Variants in CDKAL1 observed in about 807,000 individuals in gnomAD.
CDKAL1 encodes the protein threonylcarbamoyladenosine tRNA methylthiotransferase.
Under a neutral mutation model 68.2 loss-of-function variants are expected in CDKAL1, and 32 were observed. That is an observed-to-expected ratio of 0.47 (90% CI 0.35 to 0.63). The LOEUF (loss-of-function observed/expected upper bound fraction) is 0.63. Among genes scored for constraint, CDKAL1 ranks in the 30% least tolerant of loss-of-function variants. The pLI is 0.00. For synonymous variants in CDKAL1, 234 were observed against 244.3 expected, an observed-to-expected ratio of 0.96 and a Z score of 0.39; for missense variants, 606 against 696.7, an observed-to-expected ratio of 0.87 and a Z score of 1.47.
chr6:20,800,896 G>A (rs753638558), intron 8 of CDKAL1, among the ~76,000 whole-genome samples: 6 of 152,050 alleles, frequency 3.9e-5, no homozygotes, highest in Non-Finnish European at 7.4e-5. Context: ...TTATAGGCAT[G>A]AGCCACCACA....
intron 5 of CDKAL1, among the ~76,000 whole-genome samples, chr6:20,666,498 A>G (rs1769549745): frequency 6.6e-6 from 1 of 152,140 alleles, no homozygotes. Flanking sequence ...ATAGGAACAT[A>G]AAGTTATTTA....
chr6:21,037,664 T>A (rs2150889172), intron 11 of CDKAL1, among the ~76,000 whole-genome samples: 1 of 152,292 alleles, frequency 6.6e-6, no homozygotes, highest in African/African-American at 2.4e-5. Context: ...TTAATTTTAT[T>A]TGCTTTCAGT....
intron 4 of CDKAL1, among the ~76,000 whole-genome samples, chr6:20,582,570 T>A (rs1312753663): frequency 2.6e-4 from 39 of 152,152 alleles, no homozygotes; most frequent in Admixed American, 2.6e-3. Context: ...TTTTCTACGG[T>A]TCCATTTGAA....
chr6:21,098,604 G>A (rs937224461), intron 12 of CDKAL1, among the ~76,000 whole-genome samples: 1 of 146,670 alleles, frequency 6.8e-6, no homozygotes, highest in Admixed American at 7.1e-5. Context: ...GTTACTGAAG[G>A]AAGGGATGCT....
At chr6:21,039,065 C>T (rs561586049) in intron 11 of CDKAL1, among the ~76,000 whole-genome samples, 3 of 152,262 alleles carry the variant, frequency 2.0e-5, no homozygotes, top group East Asian at 1.9e-4. Flanking sequence ...CCCCAGGACA[C>T]GGACTGATAC....
At chr6:20,752,127 CT>C (rs1447973743) in intron 6 of CDKAL1, among the ~76,000 whole-genome samples, 1 of 151,684 alleles carries the variant, frequency 6.6e-6, no homozygotes, top group Non-Finnish European at 1.5e-5. Context: ...CCTTTTTTCC[CT>C]TTTCCCCATT....
intron 10 of CDKAL1, among the ~76,000 whole-genome samples, chr6:20,976,159 T>C (rs549078265): frequency 2.9e-4 from 44 of 152,196 alleles, no homozygotes; most frequent in Non-Finnish European, 5.6e-4. Flanking sequence ...CTTAGTAATA[T>C]CATTTAAGGC....
chr6:20,676,738 A>AT (rs1562018340), intron 5 of CDKAL1, among the ~76,000 whole-genome samples: 1 of 151,974 alleles, frequency 6.6e-6, no homozygotes, highest in African/African-American at 2.4e-5. Context: ...TTTATGCTGT[A>AT]TTTTTGTATG....
chr6:21,010,078 A>C (rs993410528), intron 11 of CDKAL1, among the ~76,000 whole-genome samples: 2 of 152,144 alleles, frequency 1.3e-5, no homozygotes, highest in African/African-American at 4.8e-5. Context: ...CATTGTGTGC[A>C]TATATCAAAA....
At chr6:21,194,624 TC>T (rs1778394278) in intron 13 of CDKAL1, among the ~76,000 whole-genome samples, 1 of 152,212 alleles carries the variant, frequency 6.6e-6, no homozygotes, top group Non-Finnish European at 1.5e-5. Flanking sequence ...ATGATTACTC[TC>T]AATTTTGTTA....
chr6:20,647,032 C>G (rs890596270), intron 4 of CDKAL1, among the ~76,000 whole-genome samples: 1 of 152,176 alleles, frequency 6.6e-6, no homozygotes, highest in Non-Finnish European at 1.5e-5. Flanking sequence ...GGCGTGAGCA[C>G]CTGCACCCGG....
At chr6:21,002,787 A>T (rs181860282) in intron 11 of CDKAL1, among the ~76,000 whole-genome samples, 34 of 152,162 alleles carry the variant, frequency 2.2e-4, no homozygotes, top group African/African-American at 7.5e-4. Context: ...CAGGAGTTCA[A>T]GATCAGTTTG....
At chr6:20,753,019 A>G (rs898563839) in intron 6 of CDKAL1, among the ~76,000 whole-genome samples, 1 of 152,206 alleles carries the variant, frequency 6.6e-6, no homozygotes, top group South Asian at 2.1e-4. Flanking sequence ...TTACTGAGAT[A>G]TAATTCACAC....
rs1006132107 is a variant in CDKAL1 at position 20,858,944 on chromosome 6, A to G, written c.742+12766A>G. 3.3e-5 allele frequency among the ~76,000 whole-genome samples: 5 copies of G among 152,270 alleles called. No individual in the cohort carries two copies. The South Asian group carries it at 1.0e-3, about 32-fold the overall frequency. On this transcript the variant is annotated intron_variant, in intron 9 of 15. Coordinates refer to ENST00000274695, the MANE Select transcript of CDKAL1 (RefSeq NM_017774.3). ...CATTTTTGCTAGTTTAATATTTTCTATATTTTTCATAAGTACATATATCAC... is the reference window on the plus strand; with the variant it reads ...CATTTTTGCTAGTTTAATATTTTCTGTATTTTTCATAAGTACATATATCAC...
intron 10 of CDKAL1, among the ~76,000 whole-genome samples, chr6:20,989,870 A>G (rs2150793768): frequency 6.6e-6 from 1 of 152,288 alleles, no homozygotes; most frequent in Non-Finnish European, 1.5e-5. Flanking sequence ...ATATAGATAC[A>G]TGTAACCACC....
intron 13 of CDKAL1, chr6:21,135,634 T>G (rs980758616): frequency 3.2e-6 from 3 of 937,990 alleles, no homozygotes; most frequent in Admixed American, 6.2e-5. Flanking sequence ...TTTAATTTTC[T>G]TCTTCCAGCA....
At chr6:20,642,243 A>G (rs562829666) in intron 4 of CDKAL1, among the ~76,000 whole-genome samples, 2 of 152,330 alleles carry the variant, frequency 1.3e-5, no homozygotes, top group South Asian at 2.1e-4. Flanking sequence ...CCCATCAGCA[A>G]TAACAGAAAA....
chr6:20,557,405 C>A (rs1764099626), intron 4 of CDKAL1, among the ~76,000 whole-genome samples: 1 of 152,038 alleles, frequency 6.6e-6, no homozygotes, highest in Non-Finnish European at 1.5e-5. Context: ...TAGCATTATT[C>A]TAAGGCTTGG....
At chr6:20,950,895 C>T (rs1056811455) in intron 9 of CDKAL1, among the ~76,000 whole-genome samples, 4 of 151,020 alleles carry the variant, frequency 2.6e-5, no homozygotes, top group East Asian at 3.9e-4. Flanking sequence ...ACTTGAACCT[C>T]GGAGGCGGAG....
Sources: gnomAD v4.1 joint callset for allele counts (sites outside exome capture counted in the v4.1 genomes callset) on GRCh38, gnomAD v4.1.1 for gene constraint, MANE v1.5 for transcripts, NCBI Gene and HGNC (gene_info 2026-07-23, HGNC 2026-07-21) for gene names.